ZFP64: variants seen among roughly 807,000 people sequenced by gnomAD.
The protein encoded by ZFP64 is ZFP64 zinc finger protein, also known as zinc finger protein 64.
ZFP64 carries 14 observed loss-of-function variants against 51.6 expected under a neutral mutation model. The observed-to-expected ratio is 0.27, with a 90% confidence interval of 0.18 to 0.42. The LOEUF is 0.42. ZFP64 is among the 10% of genes least tolerant of loss of function. The pLI is 1.00. For missense variants in ZFP64, 754 were observed against 906.8 expected (o/e 0.83, Z 2.16); for synonymous variants, 375 against 361.4 (o/e 1.04, Z -0.43).
At position 52,176,505 on chromosome 20, in the gene ZFP64, C is replaced by CTTTTTTTTTTTTTTTTTT. The variant is rs557663780; in HGVS notation, c.286+10326_286+10327insAAAAAAAAAAAAAAAAAA. Among the ~76,000 whole-genome samples the CTTTTTTTTTTTTTTTTTT allele has an allele frequency of 3.4e-4, 47 of 136,692 alleles. 1 individual carries two copies. The highest frequency in any genetic ancestry group is 1.3e-3 in the African/African-American group (47 of 36,122). 89.7% of individuals were successfully genotyped at this position (136,692 alleles called of 152,430 possible). On this transcript the variant is annotated intron_variant, in intron 2 of 5. Transcript: ENST00000216923. ...ATTTCTAGCTTCTGGTTCAATCTCTCTTTTTTTTTTTTTTTGAGACGGAGT... is the reference window on the plus strand; with the variant it reads ...ATTTCTAGCTTCTGGTTCAATCTCTCTTTTTTTTTTTTTTTTTTTTTTTTTTTTTTTTTGAGACGGAGT...
chr20:52,169,563 C>T (rs992885019), intron 2 of ZFP64, among the ~76,000 whole-genome samples: 2 of 152,182 alleles, frequency 1.3e-5, no homozygotes. Flanking sequence ...CCACTTTCTG[C>T]TCTCTCCAGA....
chr20:52,117,596 G>A (rs1978943179), intron 5 of ZFP64: 2 of 454,780 alleles, frequency 4.4e-6, no homozygotes, highest in South Asian at 1.6e-5. Context: ...TCTAGCCTGG[G>A]CGACAGAGCG....
intron 5 of ZFP64, among the ~76,000 whole-genome samples, chr20:52,115,412 C>CTTT (rs764698548): frequency 4.0e-5 from 5 of 124,112 alleles, no homozygotes; most frequent in Non-Finnish European, 5.0e-5. Context: ...CTCGCTACAG[C>CTTT]TTTTTTTTTT....
chr20:52,146,385 A>C (rs1283047553), downstream of ZFP64, among the ~76,000 whole-genome samples: 2 of 136,984 alleles, frequency 1.5e-5, no homozygotes, highest in African/African-American at 5.2e-5. Flanking sequence ...TACACCATGG[A>C]ATACTATGCA....
chr20:52,185,860 C>T (rs1301716008), intron 2 of ZFP64, among the ~76,000 whole-genome samples: 3 of 152,090 alleles, frequency 2.0e-5, no homozygotes, highest in Non-Finnish European at 4.4e-5. Flanking sequence ...GGATTACAGG[C>T]ATGAGCCACC....
chr20:52,097,257 A>G, intron 7 of ZFP64: 1 of 1,242,752 alleles, frequency 8.0e-7, no homozygotes, highest in Non-Finnish European at 1.2e-6. Flanking sequence ...CACTAGACTG[A>G]GTTTCATGAG....
chr20:52,104,351 C>CG (rs902645278), intron 5 of ZFP64, among the ~76,000 whole-genome samples: 7 of 152,142 alleles, frequency 4.6e-5, no homozygotes, highest in Non-Finnish European at 8.8e-5. Context: ...AAATGCTGCC[C>CG]GGGGGGCTTA....
chr20:52,126,138 T>C (rs1277300751), intron 5 of ZFP64, among the ~76,000 whole-genome samples: 1 of 152,204 alleles, frequency 6.6e-6, no homozygotes, highest in African/African-American at 2.4e-5. Flanking sequence ...CCTCAGGTGA[T>C]GCGCCTGCCT....
intron 5 of ZFP64, among the ~76,000 whole-genome samples, chr20:52,137,303 T>G (rs1980027435): frequency 1.3e-5 from 2 of 152,176 alleles, no homozygotes; most frequent in African/African-American, 4.8e-5. Context: ...CTGCCTTGCT[T>G]TTTTTCCTGG....
At chr20:52,094,983 A>G (rs2078972869) in intron 7 of ZFP64, among the ~76,000 whole-genome samples, 1 of 152,142 alleles carries the variant, frequency 6.6e-6, no homozygotes, top group African/African-American at 2.4e-5. Flanking sequence ...GTTGACTGCT[A>G]CTCTTCAATT....
chr20:52,100,758 G>T (rs780619115), intron 5 of ZFP64, among the ~76,000 whole-genome samples: 2 of 152,182 alleles, frequency 1.3e-5, no homozygotes, highest in African/African-American at 2.4e-5. Flanking sequence ...TGCAACTATT[G>T]GCAAGCTACT....
intron 5 of ZFP64, among the ~76,000 whole-genome samples, chr20:52,154,954 C>G (rs1215720391): frequency 6.6e-6 from 1 of 152,128 alleles, no homozygotes; most frequent in Non-Finnish European, 1.5e-5. Flanking sequence ...TGTTCTTAAC[C>G]TTTTTTATGC....
At chr20:52,132,038 G>A (rs1979747571) in intron 5 of ZFP64, among the ~76,000 whole-genome samples, 1 of 151,948 alleles carries the variant, frequency 6.6e-6, no homozygotes, top group African/African-American at 2.4e-5. Context: ...TGACCACAAT[G>A]GGACAAAACT....
intron 2 of ZFP64, among the ~76,000 whole-genome samples, chr20:52,176,243 G>T (rs1042977705): frequency 2.6e-5 from 4 of 151,922 alleles, no homozygotes; most frequent in African/African-American, 7.3e-5. Context: ...CCCCCCACCC[G>T]CCCAATCTCT....
At chr20:52,088,588 G>T (rs894516540) in exon 8 of ZFP64, 1 of 1,614,206 alleles carries the variant, frequency 6.2e-7, no homozygotes, top group Non-Finnish European at 8.5e-7. Context: ...GCATGGTCAG[G>T]TTGTCCTTCC....
intron 4 of ZFP64, among the ~76,000 whole-genome samples, chr20:52,161,568 T>C (rs1981813600): frequency 6.6e-6 from 1 of 151,854 alleles, no homozygotes; most frequent in Admixed American, 6.6e-5. Flanking sequence ...AACGCGGTTG[T>C]TAAGGCTGAA....
At chr20:52,098,517 G>C in exon 6 of ZFP64, 1 of 1,614,106 alleles carries the variant, frequency 6.2e-7, no homozygotes. Flanking sequence ...TGATGACAGG[G>C]GCCTTCGGAG....
At position 52,152,825 on chromosome 20, in the gene ZFP64, G is replaced by C; in HGVS notation, c.1367C>G (p.Ser456Trp). Residue 456 changes from serine (S) to tryptophan (W), a missense_variant, in exon 6 of 6, where the codon TCG becomes TGG. Around this residue, in one of 3 missense-constraint regions of ZFP64, gnomAD observed 428 missense variants for 472.4 expected, o/e 0.91. Transcript: ENST00000216923. Reference protein sequence around the residue: ...QHSEYSESKNSDVTVLQFQID... With the variant: ...QHSEYSESKNWDVTVLQFQID... ...CTGAAACTGGAGAACGGTCACGTCC[G>C]AGTTCTTACTCTCACTGTACTCACT... 6.2e-7 allele frequency: 1 copy of C among 1,613,818 alleles called. No individual in the cohort carries two copies. The highest frequency in any genetic ancestry group is 8.5e-7 in the Non-Finnish European group (1 of 1,179,754).
intron 7 of ZFP64, among the ~76,000 whole-genome samples, chr20:52,090,042 A>G (rs983432001): frequency 2.6e-5 from 4 of 152,212 alleles, no homozygotes; most frequent in African/African-American, 7.2e-5. Context: ...CCAAAAGGAC[A>G]AGGGGGAAAA....
Sources: allele counts gnomAD v4.1 joint callset (sites outside exome capture counted in the v4.1 genomes callset), GRCh38; gene constraint gnomAD v4.1.1; regional missense constraint gnomAD v4.1.1; transcripts MANE v1.5; gene names NCBI Gene and HGNC (gene_info 2026-07-23, HGNC 2026-07-21).